Variants in BANK1 observed in about 807,000 individuals in gnomAD.
BANK1 encodes B-cell scaffold protein with ankyrin repeats.
A neutral mutation model predicts 94.5 loss-of-function variants in BANK1; 95 were observed. The ratio of observed to expected loss-of-function variants is 1.00; its 90% confidence interval spans 0.85 to 1.19. The LOEUF is 1.19. BANK1 is among the 50% of genes most tolerant of loss of function. The pLI is 0.00. For synonymous variants in BANK1, 334 were observed against 308.4 expected, an observed-to-expected ratio of 1.08 and a Z score of -0.87; for missense variants, 987 against 932.2, an observed-to-expected ratio of 1.06 and a Z score of -0.77.
chr4:101,952,313 A>G (rs1724190127), intron 7 of BANK1, among the ~76,000 whole-genome samples: 1 of 152,136 alleles, frequency 6.6e-6, no homozygotes, highest in South Asian at 2.1e-4. Flanking sequence ...CCTTTTGACA[A>G]CATTGAGAAC....
intron 7 of BANK1, among the ~76,000 whole-genome samples, chr4:101,987,179 A>C (rs1409541798): frequency 6.6e-6 from 1 of 151,682 alleles, no homozygotes; most frequent in African/African-American, 2.4e-5. Context: ...TCAATCCTTC[A>C]CTTTCCCAGT....
chr4:102,054,239 T>G (rs1192970186), intron 11 of BANK1, among the ~76,000 whole-genome samples: 2 of 152,148 alleles, frequency 1.3e-5, no homozygotes, highest in Non-Finnish European at 2.9e-5. Context: ...AACTCAATTC[T>G]GTTATACTCT....
chr4:101,894,579 T>A (rs1233035062), intron 5 of BANK1, among the ~76,000 whole-genome samples: 2 of 152,190 alleles, frequency 1.3e-5, no homozygotes, highest in South Asian at 4.1e-4. Context: ...CACAGTTCCC[T>A]CTTCATCCCA....
intron 7 of BANK1, among the ~76,000 whole-genome samples, chr4:101,944,168 A>G (rs1723852670): frequency 6.6e-6 from 1 of 151,862 alleles, no homozygotes; most frequent in South Asian, 2.1e-4. Context: ...TAGTCAATGT[A>G]TCAGTCGAGA....
intron 6 of BANK1, among the ~76,000 whole-genome samples, chr4:101,906,268 T>G (rs1387568712): frequency 1.3e-5 from 2 of 152,200 alleles, no homozygotes; most frequent in Non-Finnish European, 2.9e-5. Flanking sequence ...CCATACTGAT[T>G]TATAGCTTGT....
intron 9 of BANK1, among the ~76,000 whole-genome samples, chr4:102,027,476 A>G (rs1727142790): frequency 6.6e-6 from 1 of 152,200 alleles, no homozygotes; most frequent in Non-Finnish European, 1.5e-5. Context: ...ATCTTTTGAT[A>G]GTACTGATAT....
At chr4:102,032,466 C>A (rs1405121948) in intron 10 of BANK1, 2 of 152,158 alleles carry the variant, frequency 1.3e-5, no homozygotes, top group East Asian at 1.9e-4. Context: ...TTTTAAATTT[C>A]TTTTGTTCTT....
chr4:101,845,613 T>C (rs947078473), intron 2 of BANK1, among the ~76,000 whole-genome samples: 2 of 152,208 alleles, frequency 1.3e-5, no homozygotes, highest in Non-Finnish European at 2.9e-5. Context: ...TCTCTAGCAG[T>C]GAAAACCAAT....
chr4:101,988,333 G>A (rs900676319), intron 7 of BANK1, among the ~76,000 whole-genome samples: 1 of 152,084 alleles, frequency 6.6e-6, no homozygotes, highest in Non-Finnish European at 1.5e-5. Context: ...GTTCTAATTA[G>A]CACTGAAATT....
chr4:102,040,173 G>A (rs1727657061), intron 10 of BANK1, among the ~76,000 whole-genome samples: 1 of 152,038 alleles, frequency 6.6e-6, no homozygotes, highest in Admixed American at 6.6e-5. Context: ...AGTAGTGCAA[G>A]TGAACTCATT....
intron 7 of BANK1, among the ~76,000 whole-genome samples, chr4:102,007,976 A>G (rs940880992): frequency 3.3e-5 from 5 of 152,200 alleles, no homozygotes; most frequent in African/African-American, 1.2e-4. Context: ...TTAAACTTTC[A>G]TTTTCATTTA....
At chr4:101,837,599 T>C (rs1488534349) in intron 2 of BANK1, among the ~76,000 whole-genome samples, 1 of 152,192 alleles carries the variant, frequency 6.6e-6, no homozygotes, top group Non-Finnish European at 1.5e-5. Flanking sequence ...ATATTCAATT[T>C]CTCTTTAAAG....
At chr4:101,853,009 C>T (rs945576404) in intron 2 of BANK1, among the ~76,000 whole-genome samples, 1 of 152,046 alleles carries the variant, frequency 6.6e-6, no homozygotes, top group Non-Finnish European at 1.5e-5. Context: ...CAGTTTTATA[C>T]AACCTTTCAC....
At chr4:102,015,625 G>A (rs879590503) in intron 7 of BANK1, among the ~76,000 whole-genome samples, 4 of 152,064 alleles carry the variant, frequency 2.6e-5, no homozygotes, top group African/African-American at 4.8e-5. Context: ...TGGAAAAGAC[G>A]GTTGTAAACA....
At chr4:102,000,700 A>G (rs1241348422) in intron 7 of BANK1, among the ~76,000 whole-genome samples, 1 of 152,228 alleles carries the variant, frequency 6.6e-6, no homozygotes, top group African/African-American at 2.4e-5. Flanking sequence ...CAATGTAGTA[A>G]TGGAGGTGGC....
In BANK1 at chr4:102,021,572, C is replaced by T; in HGVS notation, c.1265C>T (p.Ser422Leu). 2 of 1,429,748 alleles carry T rather than the reference C, an allele frequency of 1.4e-6. No individual in the cohort carries two copies. The highest frequency in any genetic ancestry group is 2.5e-5 in the East Asian group (1 of 40,224). 88.6% of individuals were successfully genotyped at this position (1,429,748 alleles called of 1,614,324 possible). Residue 422 changes from serine (S) to leucine (L), a missense_variant, in exon 8 of 17, where the codon TCA (serine) becomes TTA (leucine). Transcript: ENST00000322953. The part of the protein sequence containing the change: ...QENDYEEDIA[S>L]FSTYIPSTQN... ...AATGATTATGAAGAGGATATTGCCT[C>T]ATTTTCCACATATATTCCTTGTAAG...
chr4:101,929,634 G>A (rs1367579571), intron 7 of BANK1, among the ~76,000 whole-genome samples: 1 of 151,148 alleles, frequency 6.6e-6, no homozygotes, highest in Non-Finnish European at 1.5e-5. Context: ...TTTATTTTTT[G>A]TCTGCTTTCT....
chr4:102,021,619 T>G, intron 8 of BANK1, 27 bp downstream of exon 8: 1 of 1,003,696 alleles, frequency 1.0e-6, no homozygotes, highest in African/African-American at 1.7e-5. Context: ...TATATATATA[T>G]ATGACATATT....
intron 7 of BANK1, among the ~76,000 whole-genome samples, chr4:102,020,382 G>T (rs1726856171): frequency 6.6e-6 from 1 of 152,012 alleles, no homozygotes; most frequent in Non-Finnish European, 1.5e-5. Context: ...TTAGAATTTA[G>T]TGGAGTCCAT....
Sources: allele counts gnomAD v4.1 joint callset (sites outside exome capture counted in the v4.1 genomes callset), GRCh38; gene constraint gnomAD v4.1.1; transcripts MANE v1.5; gene names NCBI Gene and HGNC (gene_info 2026-07-23, HGNC 2026-07-21).